The following RBFOX1 variants were observed in gnomAD, a reference collection of about 807,000 sequenced individuals.
The protein encoded by RBFOX1 is RNA binding protein fox-1 homolog 1.
In RBFOX1, 8 loss-of-function variants were observed where a neutral mutation model predicts 57.7. The observed-to-expected ratio is 0.14, with a 90% confidence interval of 0.08 to 0.25. The LOEUF is 0.25. Ranked by LOEUF, RBFOX1 falls within the 10% of genes least tolerant of loss-of-function variation. The pLI, the probability that RBFOX1 is intolerant of heterozygous loss-of-function variation, is 1.00. For synonymous variants in RBFOX1, 326 were observed against 222.4 expected, an observed-to-expected ratio of 1.47 and a Z score of -4.15; for missense variants, 611 against 548.5, an observed-to-expected ratio of 1.11 and a Z score of -1.14.
intron 3 of RBFOX1, among the ~76,000 whole-genome samples, chr16:6,944,397 GAAAAAAA>G (rs199499186): frequency 5.9e-4 from 63 of 106,122 alleles, no homozygotes; most frequent in Non-Finnish European, 1.9e-4. Flanking sequence ...CCATCTCAGA[GAAAAAAA>G]AAAAAAAAAA....
chr16:7,420,928 CATAT>C (rs745471660), intron 4 of RBFOX1, among the ~76,000 whole-genome samples: 1 of 146,332 alleles, frequency 6.8e-6, no homozygotes, highest in Non-Finnish European at 1.5e-5. Context: ...TATATATACA[CATAT>C]ATATATACAC....
Position 7,055,614 on chromosome 16 carries a change from G to T in RBFOX1, c.27+3516G>T, listed in dbSNP as rs915190148. On this transcript the variant is annotated intron_variant, in intron 4 of 15. Coordinates refer to ENST00000550418, the MANE Select transcript of RBFOX1 (RefSeq NM_018723.4). ...ATTCCCAGAATTCGTCACTGCAGTC[G>T]TTTTCTTAGATGTCATTGGCCAATC... Among the ~76,000 whole-genome samples, 7 of 152,120 alleles carry T rather than the reference G, an allele frequency of 4.6e-5. No individual in the cohort carries two copies. In the South Asian group the frequency reaches 8.3e-4, roughly 18 times the overall value.
At chr16:6,107,876 G>A (rs1567473233) in intron 1 of RBFOX1, among the ~76,000 whole-genome samples, 1 of 152,044 alleles carries the variant, frequency 6.6e-6, no homozygotes, top group Non-Finnish European at 1.5e-5. Flanking sequence ...ATTAATTTAT[G>A]CTTCCACCAG....
chr16:7,468,939 AT>A (rs1374791287), intron 4 of RBFOX1, among the ~76,000 whole-genome samples: 72 of 147,066 alleles, frequency 4.9e-4, no homozygotes, highest in Admixed American at 4.1e-4. Flanking sequence ...AGGCTGAGTA[AT>A]TTTTTTTTTT....
intron 4 of RBFOX1, chr16:7,332,832 T>C: frequency 7.0e-7 from 1 of 1,437,040 alleles, no homozygotes; most frequent in East Asian, 2.4e-5. Flanking sequence ...TAAGAGTTGC[T>C]GATGCGGATT....
At chr16:6,027,024 T>C (rs990354555) in intron 1 of RBFOX1, among the ~76,000 whole-genome samples, 13 of 152,402 alleles carry the variant, frequency 8.5e-5, no homozygotes, top group Admixed American at 8.5e-4. Context: ...ATGGATGAAC[T>C]TGTGCAATCA....
intron 1 of RBFOX1, among the ~76,000 whole-genome samples, chr16:6,088,228 G>T (rs1454044162): frequency 6.6e-6 from 1 of 151,486 alleles, no homozygotes; most frequent in Non-Finnish European, 1.5e-5. Flanking sequence ...TATTGCCTCA[G>T]TTGGATCATA....
At chr16:6,998,178 G>A (rs1052152524) in intron 3 of RBFOX1, among the ~76,000 whole-genome samples, 1 of 152,052 alleles carries the variant, frequency 6.6e-6, no homozygotes, top group African/African-American at 2.4e-5. Flanking sequence ...AGCAGCCAAA[G>A]CAGTACATTT....
At chr16:5,910,895 A>T (rs1377956879) in intron 4 of RBFOX1, among the ~76,000 whole-genome samples, 1 of 152,128 alleles carries the variant, frequency 6.6e-6, no homozygotes, top group Admixed American at 6.5e-5. Flanking sequence ...AACACCCCAC[A>T]TCCCTCATCC....
At chr16:6,851,609 A>T (rs904105477) in intron 3 of RBFOX1, among the ~76,000 whole-genome samples, 9 of 152,190 alleles carry the variant, frequency 5.9e-5, no homozygotes, top group African/African-American at 2.2e-4. Flanking sequence ...TGTCTTAATT[A>T]TCTTTACATG....
At chr16:5,553,688 C>T (rs1467890635) in intron 2 of RBFOX1, among the ~76,000 whole-genome samples, 2 of 63,024 alleles carry the variant, frequency 3.2e-5, no homozygotes, top group African/African-American at 1.3e-4. Flanking sequence ...TGTGTATATA[C>T]ACATATATAT....
At chr16:5,263,284 A>C (rs952751765) in intron 1 of RBFOX1, among the ~76,000 whole-genome samples, 6 of 152,096 alleles carry the variant, frequency 3.9e-5, no homozygotes, top group African/African-American at 1.4e-4. Flanking sequence ...GTACAAAAAT[A>C]ATTGCTGTTT....
chr16:6,243,547 C>T (rs913650646), intron 1 of RBFOX1, among the ~76,000 whole-genome samples: 11 of 152,162 alleles, frequency 7.2e-5, no homozygotes, highest in Admixed American at 1.3e-4. Flanking sequence ...AGTCAGTCCT[C>T]GTTCAGCAAG....
intron 1 of RBFOX1, among the ~76,000 whole-genome samples, chr16:5,418,418 G>A (rs12443941): frequency 0.025 from 3,839 of 152,184 alleles, 78 homozygotes; most frequent in Admixed American, 0.068. Context: ...CATCAGGTCC[G>A]ACGTGATCAA....
Position 6,959,267 on chromosome 16 carries a change from T to C in RBFOX1, c.-15-92790T>C, listed in dbSNP as rs1428838614. 2.6e-5 allele frequency among the ~76,000 whole-genome samples: 4 copies of C among 152,198 alleles called. No homozygotes were observed. In the East Asian group the frequency reaches 7.7e-4, roughly 29 times the overall value. On this transcript the variant is annotated intron_variant, in intron 3 of 15. Coordinates refer to ENST00000550418, the MANE Select transcript of RBFOX1 (RefSeq NM_018723.4). ...GGGACAGGCAGATTTTGTGAGGCCA[T>C]GTTTATGTGGAGGGAGCCAGTACAG...
intron 14 of RBFOX1, among the ~76,000 whole-genome samples, chr16:7,682,051 A>T (rs745871173): frequency 1.8e-4 from 27 of 152,280 alleles, no homozygotes; most frequent in East Asian, 7.7e-4. Flanking sequence ...AACACCAACC[A>T]TGTAATATGG....
chr16:6,286,792 C>G (rs1014012624), intron 1 of RBFOX1, among the ~76,000 whole-genome samples: 6 of 152,138 alleles, frequency 3.9e-5, no homozygotes, highest in Admixed American at 1.3e-4. Context: ...ACAAGGAAGA[C>G]TAGACTTGGA....
At chr16:5,743,236 C>T (rs1429872328) in intron 3 of RBFOX1, among the ~76,000 whole-genome samples, 1 of 152,186 alleles carries the variant, frequency 6.6e-6, no homozygotes, top group Non-Finnish European at 1.5e-5. Flanking sequence ...GAACACTACT[C>T]ACATCCCAGG....
At chr16:6,369,099 T>A (rs764075734) in intron 2 of RBFOX1, among the ~76,000 whole-genome samples, 1 of 152,192 alleles carries the variant, frequency 6.6e-6, no homozygotes, top group Non-Finnish European at 1.5e-5. Context: ...TGTATGTATG[T>A]GTGTATATGT....
Sources: gnomAD v4.1 joint callset for allele counts (sites outside exome capture counted in the v4.1 genomes callset) on GRCh38, gnomAD v4.1.1 for gene constraint, MANE v1.5 for transcripts, NCBI Gene and HGNC (gene_info 2026-07-23, HGNC 2026-07-21) for gene names.